Variants in CSMD3 observed in about 807,000 individuals in gnomAD.
The protein encoded by CSMD3 is CUB and Sushi multiple domains 3.
A neutral mutation model predicts 435.2 loss-of-function variants in CSMD3; 177 were observed. The observed-to-expected ratio is 0.41, with a 90% CI of 0.36 to 0.46. The LOEUF is 0.46. Ranked by LOEUF, CSMD3 falls within the 20% of genes least tolerant of loss-of-function variation. CSMD3 has a pLI of 0.34. For missense variants in CSMD3, 4,265 were observed against 4,504.6 expected (o/e 0.95, Z 1.52); for synonymous variants, 1,656 against 1,520.5 (o/e 1.09, Z -2.07).
intron 9 of CSMD3, among the ~76,000 whole-genome samples, chr8:112,932,023 G>A (rs765450660): frequency 1.3e-5 from 2 of 152,110 alleles, no homozygotes; most frequent in Non-Finnish European, 2.9e-5. Flanking sequence ...CAGTCATTAT[G>A]GGGGGCAGTA....
At chr8:112,664,420 ATAAC>A (rs1273454899) in intron 17 of CSMD3, among the ~76,000 whole-genome samples, 2 of 152,170 alleles carry the variant, frequency 1.3e-5, no homozygotes, top group Non-Finnish European at 2.9e-5. Context: ...TTAATGATGA[ATAAC>A]TAAGATGTTT....
chr8:113,087,451 C>A (rs1455496066), intron 5 of CSMD3, among the ~76,000 whole-genome samples: 1 of 152,210 alleles, frequency 6.6e-6, no homozygotes, highest in Admixed American at 6.5e-5. Flanking sequence ...TACCTGACTT[C>A]AAACTACACT....
intron 50 of CSMD3, chr8:112,310,310 C>T (rs1821850710): frequency 6.5e-6 from 1 of 152,718 alleles, no homozygotes; most frequent in Admixed American, 6.5e-5. Context: ...ACCTCCGCCT[C>T]CCGGGTTCAA....
chr8:113,337,333 C>T (rs2094084138), intron 1 of CSMD3, among the ~76,000 whole-genome samples: 1 of 151,924 alleles, frequency 6.6e-6, no homozygotes. Flanking sequence ...TGCCATATTC[C>T]TGGAAGAGCA....
At chr8:113,285,290 A>T (rs6469453) in intron 2 of CSMD3, among the ~76,000 whole-genome samples, 1 of 143,608 alleles carries the variant, frequency 7.0e-6, no homozygotes, top group South Asian at 2.2e-4. Context: ...GACAGAGTCT[A>T]GCTCTGTTGC....
intron 32 of CSMD3, 123 bp downstream of exon 32, chr8:112,472,468 G>T: frequency 1.4e-6 from 1 of 714,468 alleles, no homozygotes; most frequent in South Asian, 1.5e-5. Flanking sequence ...TATCTAAAAA[G>T]AATTGCATAG....
At chr8:112,597,603 A>T in intron 22 of CSMD3, among the ~76,000 whole-genome samples, 1 of 118,758 alleles carries the variant, frequency 8.4e-6, no homozygotes, top group East Asian at 2.2e-4. Context: ...ATGAACATTG[A>T]TGCAAAAATC....
chr8:112,484,919 C>A (rs1412544300), intron 31 of CSMD3, among the ~76,000 whole-genome samples: 2 of 152,030 alleles, frequency 1.3e-5, no homozygotes, highest in Non-Finnish European at 2.9e-5. Context: ...CCAGTCCAAG[C>A]ATTGTGGATT....
intron 13 of CSMD3, among the ~76,000 whole-genome samples, chr8:112,719,188 T>A (rs796366019): frequency 2.6e-5 from 4 of 152,048 alleles, no homozygotes; most frequent in African/African-American, 9.6e-5. Context: ...GAATTAGAGG[T>A]CAGATTAGAA....
At position 112,346,145 on chromosome 8, in the gene CSMD3, G is replaced by C. The variant is rs778376745; in HGVS notation, c.6394C>G (p.Pro2132Ala). ...ILSPGFPGNY[P>A]SSLDCTWTIN... ...GTCCATGTGCAATCTAAACTGCTGG[G>C]ATAGTTTCCAGGAAACCCAGGACTG... is the stretch of plus-strand genomic sequence containing the variant. The change falls in exon 41 of 71, where the codon CCC becomes GCC. Residue 2132 changes from proline to alanine, a missense_variant. Around this residue, in one of 3 missense-constraint regions of CSMD3, gnomAD observed 3,255 missense variants for 3,380.2 expected, o/e 0.96. Coordinates refer to ENST00000297405, the MANE Select transcript of CSMD3 (RefSeq NM_198123.2). 3 of 1,613,398 alleles carry C rather than the reference G, an allele frequency of 1.9e-6. No individual in the cohort carries two copies. The South Asian group carries it at 3.3e-5, about 18-fold the overall frequency.
intron 38 of CSMD3, among the ~76,000 whole-genome samples, chr8:112,352,932 C>T (rs1303630737): frequency 6.7e-6 from 1 of 148,420 alleles, no homozygotes; most frequent in African/African-American, 2.4e-5. Context: ...TTAGCAAAAA[C>T]TTAAAAATTA....
intron 6 of CSMD3, among the ~76,000 whole-genome samples, chr8:113,002,584 T>C (rs1304326674): frequency 2.0e-5 from 3 of 152,118 alleles, no homozygotes; most frequent in Non-Finnish European, 4.4e-5. Flanking sequence ...ATGCCTTCAC[T>C]GTCTTGATGA....
At chr8:113,304,914 T>TAA (rs71281210) in intron 2 of CSMD3, among the ~76,000 whole-genome samples, 4 of 119,770 alleles carry the variant, frequency 3.3e-5, no homozygotes, top group South Asian at 2.9e-4. Context: ...TAAAGTATAA[T>TAA]AAAAAAAAAA....
chr8:112,667,723 G>A (rs1362812635), intron 16 of CSMD3, among the ~76,000 whole-genome samples: 1 of 151,950 alleles, frequency 6.6e-6, no homozygotes, highest in Non-Finnish European at 1.5e-5. Context: ...AGAAAATGGA[G>A]GAAAGAGTGT....
intron 4 of CSMD3, among the ~76,000 whole-genome samples, chr8:113,119,840 G>T (rs1203689571): frequency 6.6e-6 from 1 of 151,976 alleles, no homozygotes. Context: ...TTAATAAATT[G>T]TAATAACAGA....
chr8:112,327,662 C>T lies in CSMD3; in HGVS notation c.7165+7667G>A, dbSNP rs563597966. Reference sequence around the variant, plus strand: ...TAGAAGAATCATGTTATCTGACATGCCCCACCAACTTTTAAACACCATTTG... The same window carrying T: ...TAGAAGAATCATGTTATCTGACATGTCCCACCAACTTTTAAACACCATTTG... On this transcript the variant is annotated intron_variant, in intron 45 of 70. Coordinates refer to ENST00000297405, the MANE Select transcript of CSMD3 (RefSeq NM_198123.2). 6.6e-5 allele frequency among the ~76,000 whole-genome samples: 10 copies of T among 152,226 alleles called. No homozygotes were observed. In the South Asian group the frequency reaches 2.1e-3, roughly 32 times the overall value.
intron 45 of CSMD3, among the ~76,000 whole-genome samples, chr8:112,324,447 C>A (rs1454727580): frequency 6.6e-6 from 1 of 151,980 alleles, no homozygotes; most frequent in African/African-American, 2.4e-5. Flanking sequence ...CTGCCAGATG[C>A]CAGAAACCAT....
chr8:112,547,276 C>T (rs1038486048), intron 27 of CSMD3, among the ~76,000 whole-genome samples: 1 of 151,888 alleles, frequency 6.6e-6, no homozygotes. Context: ...TTTATATAGA[C>T]ATTTTAAGAG....
At chr8:113,414,532 C>T (rs2094573191) in intron 1 of CSMD3, among the ~76,000 whole-genome samples, 1 of 151,052 alleles carries the variant, frequency 6.6e-6, no homozygotes, top group Non-Finnish European at 1.5e-5. Flanking sequence ...GTACAAATAA[C>T]AGTGGTGCTC....
Sources: gnomAD v4.1 joint callset for allele counts (sites outside exome capture counted in the v4.1 genomes callset) on GRCh38, gnomAD v4.1.1 for gene constraint, gnomAD v4.1.1 regional missense constraint, MANE v1.5 for transcripts, NCBI Gene and HGNC (gene_info 2026-07-23, HGNC 2026-07-21) for gene names.